The following CAMK1G variants were observed in gnomAD, a reference collection of about 807,000 sequenced individuals.
CAMK1G encodes calcium/calmodulin dependent protein kinase IG.
A neutral mutation model predicts 54.8 loss-of-function variants in CAMK1G; 27 were observed. That is an observed-to-expected ratio of 0.49 (90% confidence interval 0.36 to 0.68). CAMK1G has a LOEUF of 0.68. CAMK1G is among the 30% of genes least tolerant of loss of function. The pLI is 0.00. For synonymous variants in CAMK1G, 238 were observed against 224.9 expected, an observed-to-expected ratio of 1.06 and a Z score of -0.52; for missense variants, 512 against 591.0, an observed-to-expected ratio of 0.87 and a Z score of 1.39.
chr1:209,588,595 G>A (rs1402964883), intron 1 of CAMK1G, among the ~76,000 whole-genome samples: 1 of 152,170 alleles, frequency 6.6e-6, no homozygotes, highest in Non-Finnish European at 1.5e-5. Context: ...ATGGAGAGTG[G>A]GGCAGACATG....
chr1:209,605,878 C>A (rs560532233), intron 5 of CAMK1G, among the ~76,000 whole-genome samples: 11 of 152,296 alleles, frequency 7.2e-5, no homozygotes, highest in African/African-American at 2.4e-4. Flanking sequence ...GAAACTTTCA[C>A]TATGCCTTAC....
intron 2 of CAMK1G, among the ~76,000 whole-genome samples, chr1:209,596,664 CACACACACACA>C (rs1558137262): frequency 3.1e-4 from 5 of 15,974 alleles, no homozygotes; most frequent in Non-Finnish European, 5.6e-4. Context: ...ACACACACCA[CACACACACACA>C]CACACACACA....
At chr1:209,590,996 G>A (rs1318537920) in intron 1 of CAMK1G, among the ~76,000 whole-genome samples, 1 of 151,686 alleles carries the variant, frequency 6.6e-6, no homozygotes, top group African/African-American at 2.4e-5. Context: ...GAAAGTTCAT[G>A]CATTCTAGAT....
At chr1:209,592,344 C>CAAAA (rs56012133) in intron 1 of CAMK1G, among the ~76,000 whole-genome samples, 12,468 of 69,738 alleles carry the variant, frequency 0.18, 826 homozygotes, top group Non-Finnish European at 0.23. Flanking sequence ...GACTCTGTCT[C>CAAAA]AAAAAAAAAA....
chr1:209,611,396 A>G, intron 9 of CAMK1G, 69 bp from the exon 10 acceptor site: 3 of 1,438,866 alleles, frequency 2.1e-6, no homozygotes, highest in Middle Eastern at 1.8e-4. Context: ...ACCTGCAGGC[A>G]CCCTGCCCAC....
rs566850585 is a variant in CAMK1G at position 209,594,030 on chromosome 1, G to T, written c.-29-925G>T. 3.8e-4 allele frequency among the ~76,000 whole-genome samples: 58 copies of T among 152,260 alleles called. 2 individuals carry two copies. In the South Asian group the frequency reaches 8.5e-3, roughly 22 times the overall value. ...TGCTATTTCCTCCCTTCCAGCTTTG[G>T]TGTTTTATTTCCTTTGCACAGAAGC... On this transcript the variant is annotated intron_variant, in intron 1 of 12. Coordinates refer to ENST00000361322, the MANE Select transcript of CAMK1G (RefSeq NM_020439.3).
At chr1:209,600,207 C>G in intron 3 of CAMK1G, 96 bp downstream of exon 3, 1 of 1,418,684 alleles carries the variant, frequency 7.0e-7, no homozygotes, top group Non-Finnish European at 9.6e-7. Flanking sequence ...TTTCTGCACC[C>G]AAAGGCATTG....
intron 5 of CAMK1G, among the ~76,000 whole-genome samples, chr1:209,605,937 G>T (rs1665637348): frequency 1.3e-5 from 2 of 152,308 alleles, no homozygotes; most frequent in East Asian, 1.9e-4. Flanking sequence ...TCCAGCCACA[G>T]TCAAAACCCA....
rs754425918 is a variant in CAMK1G, at chr1:209,595,078, A to G, written c.92+3A>G. 7 of 1,612,668 alleles carry G rather than the reference A, an allele frequency of 4.3e-6. No homozygotes were observed. Among genetic ancestry groups the G allele is most frequent in the Non-Finnish European group, 5.9e-6 (7 of 1,178,740 alleles). ...ATTTTTATGGAAGTGCTGGGATCGTAAGTCCTGGGGCTGTGAGGTCGGGTG... is the reference window on the plus strand; with the variant it reads ...ATTTTTATGGAAGTGCTGGGATCGTGAGTCCTGGGGCTGTGAGGTCGGGTG... On this transcript the variant is annotated splice_donor_region_variant and intron_variant, in intron 2 of 12. Coordinates refer to ENST00000361322, the MANE Select transcript of CAMK1G (RefSeq NM_020439.3).
chr1:209,584,033 T>G (rs1046605871), intron 1 of CAMK1G: 7 of 152,282 alleles, frequency 4.6e-5, no homozygotes, highest in African/African-American at 1.7e-4. Context: ...CATTTTGCCC[T>G]TCTGGGCAGG....
intron 4 of CAMK1G, 53 bp downstream of exon 4, chr1:209,603,341 GC>G: frequency 6.8e-7 from 1 of 1,460,210 alleles, no homozygotes; most frequent in Non-Finnish European, 9.6e-7. Context: ...GGCCTGGGAG[GC>G]CTACAGGAGG....
In CAMK1G at chr1:209,612,176, T is replaced by C; in HGVS notation, c.1300T>C (p.Cys434Arg). 1 of 1,614,144 alleles carries C rather than the reference T, an allele frequency of 6.2e-7. No homozygotes were observed. Among genetic ancestry groups the C allele is most frequent in the Middle Eastern group, 1.6e-4 (1 of 6,062 alleles). ...TGGGAGCAAAGGAAAGTCCTCCTAC[T>C]GCTCTGAGCCCACACTCCTCAAAAA... ...NIGSKGKSSYCSEPTLLKKAN... is the reference protein window; with the variant it reads ...NIGSKGKSSYRSEPTLLKKAN... The change falls in exon 11 of 13, where the codon TGC becomes CGC. Residue 434 changes from cysteine to arginine, a missense_variant. Around this residue, in one of 3 missense-constraint regions of CAMK1G, gnomAD observed 315 missense variants for 330.5 expected, o/e 0.95. Transcript: ENST00000361322.
Position 209,612,800 on chromosome 1 carries a change from G to T in CAMK1G, c.1356G>T (p.Glu452Asp), listed in dbSNP as rs780067705. Residue 452 changes from glutamate (E) to aspartate (D), a missense_variant, in exon 12 of 13, where the codon GAG becomes GAT. Around this residue, in one of 3 missense-constraint regions of CAMK1G, gnomAD observed 315 missense variants for 330.5 expected, o/e 0.95. Coordinates refer to ENST00000361322, the MANE Select transcript of CAMK1G (RefSeq NM_020439.3). The stretch of plus-strand genomic sequence containing the variant: ...TCCTTTCTAGGAACTTCAAGTCGGA[G>T]GTCATGGTACCAGTTAAAGCCAGTG... ...KANKKQNFKS[E>D]VMVPVKASGS... 1 of 1,614,010 alleles carries T rather than the reference G, an allele frequency of 6.2e-7. No homozygotes were observed. The highest frequency in any genetic ancestry group is 1.3e-5 in the African/African-American group (1 of 74,942).
rs1274264517 is a variant in CAMK1G, at chr1:209,612,064, C to T, written c.1188C>T (p.Ser396=). 2 of 1,614,262 alleles carry T rather than the reference C, an allele frequency of 1.2e-6. No homozygotes were observed. The highest frequency in any genetic ancestry group is 2.2e-5 in the South Asian group (2 of 91,090). The change falls in exon 11 of 13, where the codon TCC becomes TCT. Residue 396 remains serine (S), a synonymous_variant. Coordinates refer to ENST00000361322, the MANE Select transcript of CAMK1G (RefSeq NM_020439.3). ...GRSLNCLVNG[S]LHISSSLVPM... ...CCCTCAACTGCCTGGTCAATGGCTCCCTCCACATCAGCAGCAGCCTGGTGC... is the reference window on the plus strand; with the variant it reads ...CCCTCAACTGCCTGGTCAATGGCTCTCTCCACATCAGCAGCAGCCTGGTGC...
Position 209,611,902 on chromosome 1 carries a change from C to G in CAMK1G, c.1026C>G (p.Ala342=), listed in dbSNP as rs201849586. 1 of 1,614,278 alleles carries G rather than the reference C, an allele frequency of 6.2e-7. No homozygotes were observed. The highest frequency in any genetic ancestry group is 1.6e-4 in the Middle Eastern group (1 of 6,062). The part of the protein sequence containing the change: ...EVENRPPETQ[A]SETSRPSSPE... ...AGAACAGGCCGCCTGAAACTCAAGC[C>G]TCAGAAACCTCTAGACCCAGCTCCC... The change falls in exon 11 of 13, where the codon GCC becomes GCG. Residue 342 remains alanine, a synonymous_variant. Coordinates refer to ENST00000361322, the MANE Select transcript of CAMK1G (RefSeq NM_020439.3).
chr1:209,584,848 G>A (rs1665054077), intron 1 of CAMK1G, among the ~76,000 whole-genome samples: 1 of 152,184 alleles, frequency 6.6e-6, no homozygotes, highest in African/African-American at 2.4e-5. Flanking sequence ...AACCAAAGAT[G>A]AGACCCACCT....
intron 3 of CAMK1G, among the ~76,000 whole-genome samples, chr1:209,602,145 C>T (rs547493830): frequency 6.6e-6 from 1 of 152,288 alleles, no homozygotes; most frequent in South Asian, 2.1e-4. Flanking sequence ...ACTTCTCCAC[C>T]ATGATGCTGT....
At chr1:209,603,821 T>A (rs1038630540) in intron 4 of CAMK1G, among the ~76,000 whole-genome samples, 28 of 152,310 alleles carry the variant, frequency 1.8e-4, no homozygotes, top group African/African-American at 6.5e-4. Flanking sequence ...AAGAAAGATT[T>A]TCCCAAAACA....
At chr1:209,599,923 TCTGG>T in intron 2 of CAMK1G, 56 bp from the exon 3 acceptor site, 2 of 1,595,462 alleles carry the variant, frequency 1.3e-6, no homozygotes, top group South Asian at 2.2e-5. Flanking sequence ...AGGTCTTACA[TCTGG>T]AAGTGTAAGA....
Sources: gnomAD v4.1 joint callset for allele counts (sites outside exome capture counted in the v4.1 genomes callset) on GRCh38, gnomAD v4.1.1 for gene constraint, gnomAD v4.1.1 regional missense constraint, MANE v1.5 for transcripts, NCBI Gene and HGNC (gene_info 2026-07-23, HGNC 2026-07-21) for gene names.